The following ITGB6 variants were observed in gnomAD, a reference collection of about 807,000 sequenced individuals.
The protein encoded by ITGB6 is integrin subunit beta 6, also known as integrin beta-6.
Under a neutral mutation model 84.5 loss-of-function variants are expected in ITGB6, and 80 were observed. The ratio of observed to expected loss-of-function variants is 0.95; its 90% CI spans 0.79 to 1.14. The LOEUF is 1.14. Ranked by LOEUF, ITGB6 falls within the 50% of genes most tolerant of loss-of-function variation. The pLI is 0.00. For synonymous variants in ITGB6, 383 were observed against 354.9 expected (o/e 1.08, Z -0.89); for missense variants, 1,006 against 968.0 (o/e 1.04, Z -0.52).
chr2:160,184,083 A>G (rs1437720514), intron 4 of ITGB6, among the ~76,000 whole-genome samples: 1 of 152,224 alleles, frequency 6.6e-6, no homozygotes, highest in Non-Finnish European at 1.5e-5. Context: ...GAGAAGCAGG[A>G]GCAAACAAAT....
chr2:160,187,484 T>C (rs913946581), intron 4 of ITGB6, among the ~76,000 whole-genome samples: 2 of 152,202 alleles, frequency 1.3e-5, no homozygotes, highest in African/African-American at 2.4e-5. Context: ...TCCACAGTCA[T>C]TGAAAAAAGC....
chr2:160,126,656 A>G lies in ITGB6; in HGVS notation c.1661-55T>C, dbSNP rs10179610. 0.027 allele frequency: 39,410 copies of G among 1,483,706 alleles called. 2,224 individuals carry two copies. Among genetic ancestry groups the G allele is most frequent in the East Asian group, 0.25 (10,994 of 43,936 alleles). 91.9% of individuals were successfully genotyped at this position (1,483,706 alleles called of 1,614,324 possible). On this transcript the variant is annotated intron_variant, in intron 10 of 14. Coordinates refer to ENST00000283249, the MANE Select transcript of ITGB6 (RefSeq NM_000888.5). ...CAGCCCCAAAACACTTGCAGATTTG[A>G]GGGGGTGAGGGGCATCTTTTCTCTT...
Position 160,126,527 on chromosome 2 carries a change from T to C in ITGB6, c.1735A>G (p.Ser579Gly), listed in dbSNP as rs1398209178. 1.9e-6 allele frequency: 3 copies of C among 1,614,032 alleles called. No individual in the cohort carries two copies. Among genetic ancestry groups the C allele is most frequent in the Non-Finnish European group, 2.5e-6 (3 of 1,180,010 alleles). ...TCTTCAGAGACGCAGGAGTCCGTGC[T>C]GGTGGTGCAGTTGCAGTACTCGCCA... ...WTGEYCNCTT[S>G]TDSCVSEDGV... Residue 579 changes from serine to glycine, a missense_variant, in exon 11 of 15, where the codon AGC becomes GGC. By Grantham distance (56) the Ser-to-Gly change is moderately conservative. Coordinates refer to ENST00000283249, the MANE Select transcript of ITGB6 (RefSeq NM_000888.5).
At chr2:160,173,352 G>A (rs866790176) in intron 5 of ITGB6, among the ~76,000 whole-genome samples, 7 of 152,100 alleles carry the variant, frequency 4.6e-5, no homozygotes, top group African/African-American at 9.7e-5. Flanking sequence ...ACGCATCCTG[G>A]CTCTTCCATC....
intron 4 of ITGB6, among the ~76,000 whole-genome samples, chr2:160,181,192 T>A (rs1685653857): frequency 2.0e-5 from 3 of 152,054 alleles, no homozygotes; most frequent in Admixed American, 2.0e-4. Flanking sequence ...GTGGTCTAGC[T>A]CAGCAGATCC....
rs752015577 is a variant in ITGB6, at chr2:160,137,822, T to C, written c.1272A>G (p.Pro424=). ...TASFSVTVNI[P]HCERRSRHII... Reference sequence around the variant, plus strand: ...TGTGCCTGCTTCTTCTCTCGCAGTGTGGGATATTCACAGTCACGCTGAAGG... The same window carrying C: ...TGTGCCTGCTTCTTCTCTCGCAGTGCGGGATATTCACAGTCACGCTGAAGG... The change falls in exon 10 of 15, where the codon CCA becomes CCG. Residue 424 remains proline, a synonymous_variant. Transcript: ENST00000283249. 2.5e-6 allele frequency: 4 copies of C among 1,614,096 alleles called. No individual in the cohort carries two copies. Among genetic ancestry groups the C allele is most frequent in the Non-Finnish European group, 3.4e-6 (4 of 1,179,972 alleles).
At chr2:160,117,598 A>G (rs1199654502) in intron 12 of ITGB6, among the ~76,000 whole-genome samples, 4 of 152,202 alleles carry the variant, frequency 2.6e-5, no homozygotes, top group South Asian at 4.1e-4. Context: ...CATCACAATT[A>G]AAAGAACTAG....
chr2:160,123,459 A>C (rs1446481158), intron 12 of ITGB6, among the ~76,000 whole-genome samples: 1 of 152,192 alleles, frequency 6.6e-6, no homozygotes, highest in Non-Finnish European at 1.5e-5. Context: ...GGGGGTTAAC[A>C]TTTAGCCATT....
chr2:160,197,484 G>C (rs1333740149), intron 2 of ITGB6, among the ~76,000 whole-genome samples: 1 of 152,156 alleles, frequency 6.6e-6, no homozygotes, highest in Non-Finnish European at 1.5e-5. Flanking sequence ...TTTAGAGTGG[G>C]CATGACACTA....
chr2:160,120,104 T>C (rs1682966491), intron 12 of ITGB6, among the ~76,000 whole-genome samples: 1 of 151,604 alleles, frequency 6.6e-6, no homozygotes, highest in Admixed American at 6.6e-5. Flanking sequence ...TGGAAGTCAG[T>C]GTGGCGATTC....
chr2:160,137,369 G>A, intron 10 of ITGB6, 65 bp downstream of exon 10: 3 of 1,480,972 alleles, frequency 2.0e-6, no homozygotes, highest in South Asian at 2.5e-5. Flanking sequence ...AAGGTGCAGA[G>A]GATGCCAAGC....
Position 160,107,755 on chromosome 2 carries a change from T to C in ITGB6, c.2192A>G (p.Lys731Arg). ...LIGVVLLCIW[K>R]LLVSFHDRKE... ...ACGATCATGAAATGACACCAGTAGC[T>C]TCCAGATGCACAGTAGGACAACCCC... Residue 731 changes from lysine to arginine, a missense_variant, in exon 14 of 15, where the codon AAG (lysine) becomes AGG (arginine). Coordinates refer to ENST00000283249, the MANE Select transcript of ITGB6 (RefSeq NM_000888.5). 6 of 1,614,046 alleles carry C rather than the reference T, an allele frequency of 3.7e-6. No individual in the cohort carries two copies. Among genetic ancestry groups the C allele is most frequent in the Non-Finnish European group, 5.1e-6 (6 of 1,179,928 alleles).
Position 160,169,269 on chromosome 2 carries a change from T to C in ITGB6, c.960A>G (p.Val320=), listed in dbSNP as rs1450719052. 1.2e-6 allele frequency: 2 copies of C among 1,603,524 alleles called. No homozygotes were observed. The highest frequency in any genetic ancestry group is 4.5e-5 in the East Asian group (2 of 44,674). The change falls in exon 7 of 15, where the codon GTA becomes GTG. Residue 320 remains valine (V), a synonymous_variant. Coordinates refer to ENST00000283249, the MANE Select transcript of ITGB6 (RefSeq NM_000888.5). ...PTIGQLIDKL[V]QNNVLLIFAV... is the part of the protein sequence containing the mutation. The stretch of plus-strand genomic sequence containing the variant: ...CGAAGATCAATAACACGTTGTTTTG[T>C]ACCAGTTTATCAATGAGTTGTCCAA...
chr2:160,159,098 C>CAAAAAA (rs71408116), intron 7 of ITGB6, among the ~76,000 whole-genome samples: 1 of 107,860 alleles, frequency 9.3e-6, no homozygotes, highest in Non-Finnish European at 1.9e-5. Context: ...GACTCCATCT[C>CAAAAAA]AAAAAAAAAA....
intron 4 of ITGB6, among the ~76,000 whole-genome samples, chr2:160,188,345 G>T (rs1685985820): frequency 6.6e-6 from 1 of 152,036 alleles, no homozygotes. Flanking sequence ...ATATAATCTT[G>T]CCACAAAAAA....
rs557379188 is a variant in ITGB6 at position 160,173,855 on chromosome 2, T to A, written c.759+119A>T. On this transcript the variant is annotated intron_variant, in intron 5 of 14. Coordinates refer to ENST00000283249, the MANE Select transcript of ITGB6 (RefSeq NM_000888.5). ...AAAATTGTGTATTTTAAGAAAAATA[T>A]GAAATATAGAAATTTAGAGATCAAA... The A allele has an allele frequency of 1.6e-3, 1,433 of 888,394 alleles. 2 individuals carry two copies. Among genetic ancestry groups the A allele is most frequent in the Non-Finnish European group, 2.2e-3 (1,300 of 596,292 alleles). The allele number at this position is 888,394 out of a possible 1,614,324, so 55.0% of individuals were successfully genotyped here. A position where few individuals can be genotyped will look rare whatever the true frequency, so the allele number is the denominator to read the frequency against.
At chr2:160,190,912 A>G (rs1489188612) in intron 4 of ITGB6, among the ~76,000 whole-genome samples, 1 of 152,198 alleles carries the variant, frequency 6.6e-6, no homozygotes, top group Non-Finnish European at 1.5e-5. Flanking sequence ...GACATGAGGA[A>G]TGATTTTAAA....
At chr2:160,188,990 G>T (rs1686027423) in intron 4 of ITGB6, among the ~76,000 whole-genome samples, 3 of 151,976 alleles carry the variant, frequency 2.0e-5, no homozygotes, top group Non-Finnish European at 4.4e-5. Flanking sequence ...GCATGGTACT[G>T]GTACCAAAAC....
intron 4 of ITGB6, among the ~76,000 whole-genome samples, chr2:160,185,748 A>T (rs985719523): frequency 2.0e-5 from 3 of 152,254 alleles, no homozygotes; most frequent in Admixed American, 6.5e-5. Flanking sequence ...TAACCAAAAC[A>T]GCATGGTACT....
Sources: allele counts gnomAD v4.1 joint callset (sites outside exome capture counted in the v4.1 genomes callset), GRCh38; gene constraint gnomAD v4.1.1; transcripts MANE v1.5; gene names NCBI Gene and HGNC (gene_info 2026-07-23, HGNC 2026-07-21).